ACSL1: variants seen among roughly 807,000 people sequenced by gnomAD.
ACSL1 encodes the protein acyl-CoA synthetase long chain family member 1.
A neutral mutation model predicts 98.4 loss-of-function variants in ACSL1; 41 were observed. That is an observed-to-expected ratio of 0.42 (90% CI 0.32 to 0.54). ACSL1 has a LOEUF of 0.54. ACSL1 is among the 20% of genes least tolerant of loss of function. ACSL1 has a pLI of 0.13. For synonymous variants in ACSL1, 316 were observed against 322.7 expected, an observed-to-expected ratio of 0.98 and a Z score of 0.22; for missense variants, 734 against 883.1, an observed-to-expected ratio of 0.83 and a Z score of 2.14.
At chr4:184,761,013 G>T (rs1213752209) in intron 17 of ACSL1, among the ~76,000 whole-genome samples, 1 of 152,240 alleles carries the variant, frequency 6.6e-6, no homozygotes, top group Non-Finnish European at 1.5e-5. Flanking sequence ...TGAGTCAACT[G>T]TGGAAGTGCT....
chr4:184,773,809 G>A lies in ACSL1; in HGVS notation c.789+34C>T. The A allele has an allele frequency of 6.2e-7, 1 of 1,613,782 alleles. No homozygotes were observed. The highest frequency in any genetic ancestry group is 8.5e-7 in the Non-Finnish European group (1 of 1,179,856). On this transcript the variant is annotated intron_variant, in intron 8 of 20. Transcript: ENST00000281455. This position sits in a 1 kb window ranked among gnomAD's most constrained non-coding sequence, Gnocchi z 4.3. ...CAGGCTAGATATTGAAAACTACAAA[G>A]AGGACAGAGCAGGGTCTGACACGGT...
In ACSL1 at chr4:184,768,365, G is replaced by A; in HGVS notation, c.1079C>T (p.Pro360Leu). 1 of 1,612,534 alleles carries A rather than the reference G, an allele frequency of 6.2e-7. No individual in the cohort carries two copies. Among genetic ancestry groups the A allele is most frequent in the Non-Finnish European group, 8.5e-7 (1 of 1,179,676 alleles). The change falls in exon 12 of 21, where the codon CCC (proline) becomes CTC (leucine). Residue 360 changes from proline (P) to leucine (L), a missense_variant. Transcript: ENST00000281455. The part of the protein sequence containing the change: ...LLMDDLKVLQ[P>L]TVFPVVPRLL... ...TCTTGGAACCACGGGGAAGACAGTG[G>A]GTTGAAGCACCTTGAGGTCATCCAT... is the stretch of plus-strand genomic sequence containing the variant.
At position 184,773,249 on chromosome 4, in the gene ACSL1, C is replaced by A; in HGVS notation, c.842-95G>T. On this transcript the variant is annotated intron_variant, in intron 9 of 20. Transcript: ENST00000281455. This position sits in a 1 kb window ranked among gnomAD's most constrained non-coding sequence, Gnocchi z 4.3. ...ATAATTAGGGCTTCAGACACCTCTA[C>A]TGTTAGATATATCGTGAAAACCAAA... The A allele has an allele frequency of 9.1e-7, 1 of 1,104,826 alleles. No homozygotes were observed. The highest frequency in any genetic ancestry group is 1.3e-6 in the Non-Finnish European group (1 of 743,290). 68.4% of individuals were successfully genotyped at this position (1,104,826 alleles called of 1,614,324 possible).
At chr4:184,795,422 G>A (rs1041190345) in intron 2 of ACSL1, among the ~76,000 whole-genome samples, 3 of 152,202 alleles carry the variant, frequency 2.0e-5, no homozygotes, top group African/African-American at 7.2e-5. Flanking sequence ...ATCAAATTGT[G>A]TTTTCAGACC....
At chr4:184,787,266 C>T (rs1037431386) in intron 3 of ACSL1, among the ~76,000 whole-genome samples, 1 of 152,168 alleles carries the variant, frequency 6.6e-6, no homozygotes, top group Non-Finnish European at 1.5e-5. Flanking sequence ...TAGTGGGGCG[C>T]TCACTGTGTG....
Position 184,803,437 on chromosome 4 carries a change from C to A in ACSL1, c.78G>T (p.Pro26=). The change falls in exon 2 of 21, where the codon CCG becomes CCT. Residue 26 remains proline, a synonymous_variant. Transcript: ENST00000281455. The surrounding 1 kb of genome is among the most constrained non-coding windows in gnomAD (Gnocchi z 4.8). ...VDFRQYVRTL[P]TNTLMGFGAF... ...CTCCGAAGCCCATAAGCGTGTTGGT[C>A]GGAAGAGTACGCACGTACTGTCGGA... The A allele has an allele frequency of 6.2e-7, 1 of 1,613,858 alleles. No individual in the cohort carries two copies. Among genetic ancestry groups the A allele is most frequent in the Non-Finnish European group, 8.5e-7 (1 of 1,179,934 alleles).
At chr4:184,806,180 G>A (rs1002448287) in intron 1 of ACSL1, among the ~76,000 whole-genome samples, 1 of 152,196 alleles carries the variant, frequency 6.6e-6, no homozygotes, top group African/African-American at 2.4e-5. Flanking sequence ...AATCAAACAA[G>A]CAAGGTCTGC....
intron 2 of ACSL1, among the ~76,000 whole-genome samples, chr4:184,792,097 G>C (rs1768472658): frequency 6.6e-6 from 1 of 152,122 alleles, no homozygotes. Flanking sequence ...GAGAAACATG[G>C]AGGCAAACAA....
chr4:184,811,358 C>CAAAAAGAAAGGGGGTATTAA (rs1772086154), intron 1 of ACSL1, among the ~76,000 whole-genome samples: 1 of 152,034 alleles, frequency 6.6e-6, no homozygotes. Context: ...GTGATCTGCC[C>CAAAAAGAAAGGGGGTATTAA]GCCTTGGCCT....
intron 18 of ACSL1, among the ~76,000 whole-genome samples, chr4:184,759,855 C>T (rs1762621242): frequency 6.6e-6 from 1 of 152,232 alleles, no homozygotes; most frequent in Non-Finnish European, 1.5e-5. Flanking sequence ...ACCAGATCCT[C>T]TCTTCCTTGG....
chr4:184,768,111 G>C, intron 12 of ACSL1: 1 of 529,814 alleles, frequency 1.9e-6, no homozygotes, highest in Non-Finnish European at 3.2e-6. Flanking sequence ...TACAAAGTGT[G>C]TTCATGCATT....
At chr4:184,794,532 G>A (rs115657925) in intron 2 of ACSL1, among the ~76,000 whole-genome samples, 15,366 of 152,148 alleles carry the variant, frequency 0.1, 941 homozygotes, top group Non-Finnish European at 0.14. Context: ...TCCTGACACT[G>A]GCATGCAGGA....
At chr4:184,813,251 A>C (rs528070390) in intron 1 of ACSL1, among the ~76,000 whole-genome samples, 1 of 152,164 alleles carries the variant, frequency 6.6e-6, no homozygotes, top group African/African-American at 2.4e-5. Context: ...AAAATTTCCT[A>C]TGAGAAGAAA....
At chr4:184,795,025 G>T (rs36059531) in intron 2 of ACSL1, among the ~76,000 whole-genome samples, 76 of 152,206 alleles carry the variant, frequency 5.0e-4, no homozygotes, top group Non-Finnish European at 7.6e-4. Flanking sequence ...CCACAAACCC[G>T]CCTCAATGAA....
chr4:184,778,353 G>C (rs926328664), intron 5 of ACSL1, among the ~76,000 whole-genome samples: 7 of 152,208 alleles, frequency 4.6e-5, no homozygotes, highest in African/African-American at 1.7e-4. Flanking sequence ...TTCCCAGAAG[G>C]AATTTTCAGC....
Position 184,766,079 on chromosome 4 carries a change from C to T in ACSL1, c.1264-93G>A, listed in dbSNP as rs3749233. 0.23 allele frequency: 276,738 copies of T among 1,200,872 alleles called. 32,900 individuals are homozygous for T. Among genetic ancestry groups the T allele is most frequent in the Middle Eastern group, 0.28 (1,254 of 4,456 alleles). 74.4% of individuals were successfully genotyped at this position (1,200,872 alleles called of 1,614,324 possible). ...GGGGGCCTGCTTGGGACCCCGTTCC[C>T]TAACCCATAGCTGCAGACCACACGG... On this transcript the variant is annotated intron_variant, in intron 13 of 20. Transcript: ENST00000281455. The surrounding 1 kb of genome is among the most constrained non-coding windows in gnomAD (Gnocchi z 4.8).
chr4:184,762,000 A>G (rs1254876651), intron 17 of ACSL1, among the ~76,000 whole-genome samples: 2 of 150,382 alleles, frequency 1.3e-5, no homozygotes, highest in African/African-American at 4.9e-5. Flanking sequence ...GGTGGTGGGC[A>G]CCTGTAATCC....
intron 15 of ACSL1, 108 bp from the exon 16 acceptor site, chr4:184,763,363 A>G: frequency 1.0e-6 from 1 of 1,004,804 alleles, no homozygotes; most frequent in East Asian, 2.6e-5. Context: ...CGGCTGGGAT[A>G]AACTTCTGAT....
chr4:184,791,289 G>A (rs1768313523), intron 2 of ACSL1, among the ~76,000 whole-genome samples: 2 of 152,224 alleles, frequency 1.3e-5, no homozygotes, highest in African/African-American at 4.8e-5. Context: ...TTCTGAAGGA[G>A]CCCACGTCTT....
Sources: gnomAD v4.1 joint callset for allele counts (sites outside exome capture counted in the v4.1 genomes callset) on GRCh38, gnomAD v4.1.1 for gene constraint, Gnocchi (gnomAD v3.1) non-coding constraint, MANE v1.5 for transcripts, NCBI Gene and HGNC (gene_info 2026-07-23, HGNC 2026-07-21) for gene names.